The following SASS6 variants were observed in gnomAD, a reference collection of about 807,000 sequenced individuals.
SASS6 encodes the protein spindle assembly abnormal protein 6 homolog.
Under a neutral mutation model 94.9 loss-of-function variants are expected in SASS6, and 59 were observed. That is an observed-to-expected ratio of 0.62 (90% confidence interval 0.50 to 0.77). The LOEUF is 0.77. Ranked by LOEUF, SASS6 falls within the 30% of genes least tolerant of loss-of-function variation. SASS6 has a pLI of 0.00. For missense variants in SASS6, 698 were observed against 734.1 expected (o/e 0.95, Z 0.57); for synonymous variants, 264 against 270.0 (o/e 0.98, Z 0.22).
At chr1:100,132,620 C>G in intron 1 of SASS6, 130 bp downstream of exon 1, 2 of 806,192 alleles carry the variant, frequency 2.5e-6, no homozygotes, top group Non-Finnish European at 4.3e-6. Context: ...TCTGGGTTCC[C>G]TATCCGCTTC....
In SASS6 at chr1:100,107,608, A is replaced by G. The variant is rs988776774; in HGVS notation, c.1146+20T>C. 13 of 1,566,660 alleles carry G rather than the reference A, an allele frequency of 8.3e-6. No homozygotes were observed. The African/African-American group carries it at 1.5e-4, about 18-fold the overall frequency. On this transcript the variant is annotated intron_variant, in intron 10 of 16. Coordinates refer to ENST00000287482, the MANE Select transcript of SASS6 (RefSeq NM_194292.3). ...ATGTAATTTAATGAAATACTAGTCT[A>G]TAAAATTTTTAAAACAAACCTTCAG...
intron 14 of SASS6, among the ~76,000 whole-genome samples, chr1:100,098,372 C>A (rs959223267): frequency 6.6e-6 from 1 of 151,984 alleles, no homozygotes; most frequent in African/African-American, 2.4e-5. Context: ...TCGAAGCCAG[C>A]CTGGGCAACA....
Position 100,119,044 on chromosome 1 carries a change from T to C in SASS6, c.643A>G (p.Thr215Ala). 6.3e-7 allele frequency: 1 copy of C among 1,585,652 alleles called. No individual in the cohort carries two copies. The highest frequency in any genetic ancestry group is 1.2e-5 in the South Asian group (1 of 85,460). Residue 215 changes from threonine (T) to alanine (A), a missense_variant, in exon 7 of 17, where the codon ACA becomes GCA. Coordinates refer to ENST00000287482, the MANE Select transcript of SASS6 (RefSeq NM_194292.3). ...TGCAAGGCTTTTTCCTTTTCATTTG[T>C]CAGTTCCTGAGAATGCTTGTTTGTC... is the stretch of plus-strand genomic sequence containing the variant. ...ALTNKHSQEL[T>A]NEKEKALQAQ...
At chr1:100,089,852 G>T (rs1651556941) in intron 14 of SASS6, among the ~76,000 whole-genome samples, 1 of 151,648 alleles carries the variant, frequency 6.6e-6, no homozygotes, top group Admixed American at 6.6e-5. Flanking sequence ...TAACCAAGGA[G>T]ATTTTTCTTC....
intron 14 of SASS6, among the ~76,000 whole-genome samples, chr1:100,094,057 G>C (rs1029856280): frequency 1.3e-5 from 2 of 151,936 alleles, no homozygotes; most frequent in Admixed American, 6.6e-5. Context: ...CCATGAAACT[G>C]GTAACTCTTA....
chr1:100,121,590 T>TTTTCACTATCTCTTA, intron 4 of SASS6, 41 bp from the exon 5 acceptor site: 5 of 1,168,768 alleles, frequency 4.3e-6, no homozygotes, highest in Non-Finnish European at 6.2e-6. Flanking sequence ...ACTTAAGAGA[T>TTTTCACTATCTCTTA]AGTGAAAATC....
chr1:100,099,924 C>A (rs1203272526), intron 14 of SASS6, among the ~76,000 whole-genome samples: 1 of 152,122 alleles, frequency 6.6e-6, no homozygotes, highest in Non-Finnish European at 1.5e-5. Context: ...CAGAAAATCC[C>A]TCACATACTT....
In SASS6 at chr1:100,132,834, T is replaced by G; in HGVS notation, c.-20A>C. ...GCTCATGTTGGCTCGCTGCCTCGGC[T>G]GGTGTGCAGAAAAGCCCAACAGGCC... On this transcript the variant is annotated 5_prime_UTR_variant, in exon 1 of 17. Coordinates refer to ENST00000287482, the MANE Select transcript of SASS6 (RefSeq NM_194292.3). 2 of 1,612,416 alleles carry G rather than the reference T, an allele frequency of 1.2e-6. No homozygotes were observed. Among genetic ancestry groups the G allele is most frequent in the Non-Finnish European group, 1.7e-6 (2 of 1,178,492 alleles).
chr1:100,113,058 C>A (rs1653463587), intron 7 of SASS6, among the ~76,000 whole-genome samples: 1 of 152,118 alleles, frequency 6.6e-6, no homozygotes, highest in African/African-American at 2.4e-5. Context: ...GAGTTTTAAA[C>A]AAATGCCCTT....
At chr1:100,105,674 G>T in intron 13 of SASS6, 93 bp downstream of exon 13, 1 of 1,224,804 alleles carries the variant, frequency 8.2e-7, no homozygotes, top group African/African-American at 1.5e-5. Context: ...ATTGGTATCA[G>T]CACCTTAAAT....
chr1:100,101,958 T>C (rs1652524702), intron 14 of SASS6, among the ~76,000 whole-genome samples: 1 of 152,210 alleles, frequency 6.6e-6, no homozygotes, highest in Non-Finnish European at 1.5e-5. Flanking sequence ...CTCAATTTTA[T>C]CTTTTATACA....
intron 14 of SASS6, among the ~76,000 whole-genome samples, chr1:100,090,087 A>G (rs968591565): frequency 6.6e-6 from 1 of 152,060 alleles, no homozygotes; most frequent in Non-Finnish European, 1.5e-5. Flanking sequence ...AAAGAAAATA[A>G]AAGAAAGCCA....
intron 16 of SASS6, 23 bp from the exon 17 acceptor site, chr1:100,085,457 G>T (rs199561845): frequency 1.9e-4 from 305 of 1,573,896 alleles, no homozygotes; most frequent in Non-Finnish European, 2.4e-4. Flanking sequence ...ACAAAAAAAG[G>T]TTACTGGTAT....
intron 7 of SASS6, among the ~76,000 whole-genome samples, chr1:100,113,692 G>C (rs1234494822): frequency 6.6e-6 from 1 of 150,484 alleles, no homozygotes; most frequent in African/African-American, 2.4e-5. Context: ...AATAGGGGGA[G>C]AAACAGTGTA....
intron 7 of SASS6, among the ~76,000 whole-genome samples, chr1:100,114,623 T>C (rs1653650898): frequency 6.6e-6 from 1 of 151,686 alleles, no homozygotes. Flanking sequence ...AAGACTGAGG[T>C]GGGAGGGTCA....
intron 14 of SASS6, among the ~76,000 whole-genome samples, chr1:100,089,932 T>C (rs763021888): frequency 7.2e-5 from 11 of 151,796 alleles, no homozygotes; most frequent in African/African-American, 1.9e-4. Context: ...ATAACAAAGA[T>C]ACAAGTAAAA....
At chr1:100,106,035 C>T in intron 12 of SASS6, 132 bp from the exon 13 acceptor site, 1 of 548,228 alleles carries the variant, frequency 1.8e-6, no homozygotes, top group Admixed American at 4.0e-5. Context: ...CACAGGAGAG[C>T]AATATAGGTT....
intron 14 of SASS6, among the ~76,000 whole-genome samples, chr1:100,092,466 G>A (rs1221962331): frequency 6.6e-6 from 1 of 152,116 alleles, no homozygotes; most frequent in Non-Finnish European, 1.5e-5. Context: ...TTATACTGTA[G>A]AAGAACTTAG....
intron 7 of SASS6, among the ~76,000 whole-genome samples, chr1:100,113,108 T>C (rs1319277595): frequency 1.3e-5 from 2 of 152,104 alleles, no homozygotes; most frequent in Non-Finnish European, 2.9e-5. Flanking sequence ...CCATGGACAA[T>C]AGACAAGGAG....
Sources: allele counts gnomAD v4.1 joint callset (sites outside exome capture counted in the v4.1 genomes callset), GRCh38; gene constraint gnomAD v4.1.1; transcripts MANE v1.5; gene names NCBI Gene and HGNC (gene_info 2026-07-23, HGNC 2026-07-21).